Variants in RHD observed in about 807,000 individuals in gnomAD.
The protein encoded by RHD is Rh blood group D antigen.
A neutral mutation model predicts 45.5 loss-of-function variants in RHD; 16 were observed. The observed-to-expected ratio is 0.35, with a 90% CI of 0.24 to 0.53. The LOEUF is 0.53. Ranked by LOEUF, RHD falls within the 20% of genes least tolerant of loss-of-function variation. The pLI is 0.92. For missense variants in RHD, 306 were observed against 532.0 expected (o/e 0.58, Z 4.18); for synonymous variants, 131 against 217.5 (o/e 0.60, Z 3.50).
Position 25,304,637 on chromosome 1 carries a change from A to G in RHD, c.939+1178A>G, listed in dbSNP as rs1378697601. 5 of 131,232 alleles carry G rather than the reference A, an allele frequency of 3.8e-5. 2 individuals are homozygous for G. Among genetic ancestry groups the G allele is most frequent in the Non-Finnish European group, 9.0e-5 (5 of 55,708 alleles). 8.1% of individuals were successfully genotyped at this position (131,232 alleles called of 1,614,324 possible). ...TGGTTTATATACAGAGTGGAATATT[A>G]TTTAGCCATAAAAAGAATGAAATCC... On this transcript the variant is annotated intron_variant, in intron 6 of 9. Transcript: ENST00000328664.
rs1446384950 is a variant in RHD at position 25,305,278 on chromosome 1, T to TA, written c.940-1315dup. On this transcript the variant is annotated intron_variant, in intron 6 of 9. Coordinates refer to ENST00000328664, the MANE Select transcript of RHD (RefSeq NM_016124.6). ...TGGCCCAACCAGGAAACAGACATTC[T>TA]AAAGGCATAGGGTCCACCCAGGAGC... Among the ~76,000 whole-genome samples the TA allele has an allele frequency of 3.0e-5, 4 of 132,326 alleles. 1 individual carries two copies. Among genetic ancestry groups the TA allele is most frequent in the African/African-American group, 1.0e-4 (4 of 38,384 alleles). 86.8% of individuals were successfully genotyped at this position (132,326 alleles called of 152,430 possible).
At chr1:25,311,397 C>T (rs1415623228) in intron 7 of RHD, among the ~76,000 whole-genome samples, 7 of 130,482 alleles carry the variant, frequency 5.4e-5, no homozygotes, top group African/African-American at 1.3e-4. Context: ...TGGTGGTGGG[C>T]GCCTGTATTC....
At position 25,306,673 on chromosome 1, in the gene RHD, A is replaced by G. The variant is rs778877269; in HGVS notation, c.1017A>G (p.Gly339=). The stretch of plus-strand genomic sequence containing the variant: ...ACTTCAGCTTGCTGGGTCTGCTTGG[A>G]GAGATCATCTACATTGTGCTGCTGG... ...GYNFSLLGLL[G]EIIYIVLLVL... is the part of the protein sequence containing the mutation. The change falls in exon 7 of 10, where the codon GGA becomes GGG. Residue 339 remains glycine (G), a synonymous_variant. Coordinates refer to ENST00000328664, the MANE Select transcript of RHD (RefSeq NM_016124.6). 4 of 1,378,126 alleles carry G rather than the reference A, an allele frequency of 2.9e-6. 1 individual carries two copies. The African/African-American group carries it at 4.3e-5, about 15-fold the overall frequency. 85.4% of individuals were successfully genotyped at this position (1,378,126 alleles called of 1,614,324 possible). A position where few individuals can be genotyped will look rare whatever the true frequency, so the allele number is the denominator to read the frequency against.
intron 1 of RHD, 82 bp from the exon 2 acceptor site, chr1:25,284,491 A>G (rs1641782378): frequency 2.2e-5 from 27 of 1,239,146 alleles, no homozygotes; most frequent in Middle Eastern, 1.9e-4. Flanking sequence ...TCCAGCTGCC[A>G]TTTAGTAAGA....
rs769128637 is a variant in RHD at position 25,301,661 on chromosome 1, C to T, written c.776C>T (p.Ala259Val). 7 of 1,379,884 alleles carry T rather than the reference C, an allele frequency of 5.1e-6. 1 individual carries two copies. In the Admixed American group the frequency reaches 1.2e-4, roughly 24 times the overall value. 85.5% of individuals were successfully genotyped at this position (1,379,884 alleles called of 1,614,324 possible). The part of the protein sequence containing the change: ...VVTAISGSSL[A>V]HPQGKISKTY... ...ACAGCCATCTCAGGGTCATCCTTGG[C>T]TCACCCCCAAGGGAAGATCAGCAAG... is the stretch of plus-strand genomic sequence containing the variant. The change falls in exon 5 of 10, where the codon GCT becomes GTT. Residue 259 changes from alanine to valine, a missense_variant. Transcript: ENST00000328664.
chr1:25,299,515 C>T lies in RHD; in HGVS notation c.487-1431C>T, dbSNP rs1161827577. ...GGGTGGACTACTCCCTCCACCCTGCCCTTGTTACACCCTGGCTGGGGGTCA... is the reference window on the plus strand; with the variant it reads ...GGGTGGACTACTCCCTCCACCCTGCTCTTGTTACACCCTGGCTGGGGGTCA... On this transcript the variant is annotated intron_variant, in intron 3 of 9. Coordinates refer to ENST00000328664, the MANE Select transcript of RHD (RefSeq NM_016124.6). Among the ~76,000 whole-genome samples the T allele has an allele frequency of 9.9e-5, 13 of 131,730 alleles. 2 individuals carry two copies. Among genetic ancestry groups the T allele is most frequent in the Non-Finnish European group, 2.0e-4 (11 of 55,754 alleles). The allele number at this position is 131,730 out of a possible 152,430, so 86.4% of individuals were successfully genotyped here.
At position 25,286,785 on chromosome 1, in the gene RHD, CA is replaced by C. The variant is rs1212852710; in HGVS notation, c.335+2038del. Among the ~76,000 whole-genome samples the C allele has an allele frequency of 2.7e-3, 300 of 110,206 alleles. 22 individuals are homozygous for C. Among genetic ancestry groups the C allele is most frequent in the African/African-American group, 8.6e-3 (250 of 29,064 alleles). 72.3% of individuals were successfully genotyped at this position (110,206 alleles called of 152,430 possible). A position where few individuals can be genotyped will look rare whatever the true frequency, so the allele number is the denominator to read the frequency against. ...TGGGTGACAGAGCGAGACTCCGTCT[CA>C]AAAAAAAAAAACAAAAACAGTTTTA... is the stretch of plus-strand genomic sequence containing the variant. On this transcript the variant is annotated intron_variant, in intron 2 of 9. Transcript: ENST00000328664.
rs539788947 is a variant in RHD, at chr1:25,306,264, C to T, written c.940-332C>T. ...CCTACAGTACACAGGGCAGCCCCCA[C>T]CACAAGGAATTATCAGCTGAAATTG... On this transcript the variant is annotated intron_variant, in intron 6 of 9. Transcript: ENST00000328664. Among the ~76,000 whole-genome samples the T allele has an allele frequency of 3.6e-4, 47 of 131,746 alleles. 9 individuals carry two copies. The highest frequency in any genetic ancestry group is 9.1e-4 in the African/African-American group (35 of 38,312). The allele number at this position is 131,746 out of a possible 152,430, so 86.4% of individuals were successfully genotyped here.
chr1:25,306,687 T>C lies in RHD; in HGVS notation c.1031T>C (p.Ile344Thr), dbSNP rs1263395054. 3 of 1,378,440 alleles carry C rather than the reference T, an allele frequency of 2.2e-6. 1 individual carries two copies. The highest frequency in any genetic ancestry group is 1.8e-5 in the Admixed American group (1 of 56,170). The allele number at this position is 1,378,440 out of a possible 1,614,324, so 85.4% of individuals were successfully genotyped here. A position where few individuals can be genotyped will look rare whatever the true frequency, so the allele number is the denominator to read the frequency against. ...GGTCTGCTTGGAGAGATCATCTACA[T>C]TGTGCTGCTGGTGCTTGATACCGTC... ...LLGLLGEIIY[I>T]VLLVLDTVGA... The change falls in exon 7 of 10, where the codon ATT becomes ACT. Residue 344 changes from isoleucine to threonine, a missense_variant. By Grantham distance (89) the Ile-to-Thr change is moderately conservative (BLOSUM62 -1). Transcript: ENST00000328664.
At chr1:25,303,216 G>C in intron 5 of RHD, 106 bp from the exon 6 acceptor site, 1 of 1,020,836 alleles carries the variant, frequency 9.8e-7, no homozygotes, top group Non-Finnish European at 1.5e-6. Context: ...AGCAAAGCAG[G>C]GAGGATGTTA....
In RHD at chr1:25,323,467, T is replaced by C. The variant is rs1416751035; in HGVS notation, c.1227+1505T>C. On this transcript the variant is annotated intron_variant, in intron 9 of 9. Coordinates refer to ENST00000328664, the MANE Select transcript of RHD (RefSeq NM_016124.6). The stretch of plus-strand genomic sequence containing the variant: ...CACTAAGGTTTGCATTTTCTGTAAT[T>C]TTTTTGTTTGAGACAGGGTCTCACT... 1.7e-5 allele frequency among the ~76,000 whole-genome samples: 2 copies of C among 120,608 alleles called. 1 individual carries two copies. The highest frequency in any genetic ancestry group is 5.7e-5 in the African/African-American group (2 of 34,924). The allele number at this position is 120,608 out of a possible 152,430, so 79.1% of individuals were successfully genotyped here. A position where few individuals can be genotyped will look rare whatever the true frequency, so the allele number is the denominator to read the frequency against.
intron 1 of RHD, among the ~76,000 whole-genome samples, 160 bp from the exon 2 acceptor site, chr1:25,284,413 G>C (rs528500625): frequency 7.4e-6 from 1 of 135,416 alleles, no homozygotes; most frequent in East Asian, 1.9e-4. Context: ...TTATTCAGTT[G>C]AGAACATTGA....
Position 25,319,270 on chromosome 1 carries a change from G to A in RHD, c.1153+2191G>A, listed in dbSNP as rs1644573154. On this transcript the variant is annotated intron_variant, in intron 8 of 9. Coordinates refer to ENST00000328664, the MANE Select transcript of RHD (RefSeq NM_016124.6). ...AAAGACAATCATATTGTTCCTTTAA[G>A]AGTTAAGACCAACAAGTTTTCTTCT... 2.3e-5 allele frequency among the ~76,000 whole-genome samples: 3 copies of A among 131,694 alleles called. 1 individual carries two copies. Among genetic ancestry groups the A allele is most frequent in the Non-Finnish European group, 3.6e-5 (2 of 55,724 alleles). 86.4% of individuals were successfully genotyped at this position (131,694 alleles called of 152,430 possible).
rs1571654178 is a variant in RHD at position 25,297,900 on chromosome 1, A to G, written c.487-3046A>G. Among the ~76,000 whole-genome samples, 3 of 131,746 alleles carry G rather than the reference A, an allele frequency of 2.3e-5. 1 individual carries two copies. The highest frequency in any genetic ancestry group is 7.8e-5 in the African/African-American group (3 of 38,322). The allele number at this position is 131,746 out of a possible 152,430, so 86.4% of individuals were successfully genotyped here. A position where few individuals can be genotyped will look rare whatever the true frequency, so the allele number is the denominator to read the frequency against. The stretch of plus-strand genomic sequence containing the variant: ...GAGGTGCTGCCAGACTCAGGAGGGC[A>G]CTAGAACTGGCTATGAGAAGCCACT... On this transcript the variant is annotated intron_variant, in intron 3 of 9. Transcript: ENST00000328664.
chr1:25,304,393 G>A (rs1557545562), intron 6 of RHD: 1 of 126,966 alleles, frequency 7.9e-6, no homozygotes. Flanking sequence ...GAGGTCAGGA[G>A]TTCAAGACCA....
intron 2 of RHD, among the ~76,000 whole-genome samples, chr1:25,286,520 T>C (rs183024534): frequency 0.021 from 2,784 of 134,672 alleles, 422 homozygotes; most frequent in African/African-American, 0.066. Flanking sequence ...GGCGCAGTGG[T>C]TCATGCCTGT....
At chr1:25,273,302 ATT>A (rs750823240) in intron 1 of RHD, among the ~76,000 whole-genome samples, 11 of 97,752 alleles carry the variant, frequency 1.1e-4, no homozygotes, top group African/African-American at 7.4e-5. Flanking sequence ...TGCCTGGCTA[ATT>A]TTTTTTTTTT....
Position 25,301,011 on chromosome 1 carries a change from C to T in RHD, c.552C>T (p.Ala184=), listed in dbSNP as rs779719619. ...CAGCCTATTTTGGGCTGTCTGTGGC[C>T]TGGTGCCTGCCAAAGCCTCTACCCG... is the stretch of plus-strand genomic sequence containing the variant. ...VFAAYFGLSV[A]WCLPKPLPEG... is the part of the protein sequence containing the mutation. The change falls in exon 4 of 10, where the codon GCC becomes GCT. Residue 184 remains alanine (A), a synonymous_variant. Coordinates refer to ENST00000328664, the MANE Select transcript of RHD (RefSeq NM_016124.6). The T allele has an allele frequency of 1.5e-6, 2 of 1,376,474 alleles. No individual in the cohort carries two copies. The highest frequency in any genetic ancestry group is 4.5e-5 in the East Asian group (2 of 44,644). The allele number at this position is 1,376,474 out of a possible 1,614,324, so 85.3% of individuals were successfully genotyped here.
At chr1:25,288,855 A>C (rs1642260097) in intron 2 of RHD, among the ~76,000 whole-genome samples, 1 of 130,254 alleles carries the variant, frequency 7.7e-6, no homozygotes, top group African/African-American at 2.6e-5. Context: ...TGAAATGAAC[A>C]CCCACTTAAA....
Sources: gnomAD v4.1 joint callset for allele counts (sites outside exome capture counted in the v4.1 genomes callset) on GRCh38, gnomAD v4.1.1 for gene constraint, MANE v1.5 for transcripts, NCBI Gene and HGNC (gene_info 2026-07-23, HGNC 2026-07-21) for gene names.